Variants in RFX3 observed in about 807,000 individuals in gnomAD.
The protein encoded by RFX3 is regulatory factor X3.
A neutral mutation model predicts 98.6 loss-of-function variants in RFX3; 14 were observed. That is an observed-to-expected ratio of 0.14 (90% CI 0.09 to 0.22). The LOEUF is 0.22. Ranked by LOEUF, RFX3 falls within the 10% of genes least tolerant of loss-of-function variation. The pLI, the probability that RFX3 is intolerant of heterozygous loss-of-function variation, is 1.00. For missense variants in RFX3, 639 were observed against 926.9 expected (o/e 0.69, Z 4.03); for synonymous variants, 383 against 328.4 (o/e 1.17, Z -1.80).
At chr9:3,316,753 G>A (rs149749073) in intron 4 of RFX3, among the ~76,000 whole-genome samples, 1,872 of 152,272 alleles carry the variant, frequency 0.012, 24 homozygotes, top group Middle Eastern at 0.017. Flanking sequence ...AATCATGAAT[G>A]AACTCCCATT....
chr9:3,299,266 A>G (rs1323616049), intron 5 of RFX3, among the ~76,000 whole-genome samples: 1 of 151,800 alleles, frequency 6.6e-6, no homozygotes, highest in Non-Finnish European at 1.5e-5. Context: ...ACCAGAATGC[A>G]TGCACTAGCA....
intron 1 of RFX3, among the ~76,000 whole-genome samples, chr9:3,444,471 T>G (rs1023983350): frequency 1.3e-5 from 2 of 152,162 alleles, no homozygotes; most frequent in East Asian, 3.9e-4. Context: ...ACAGGGAAAC[T>G]TCTGGGGCGA....
intron 8 of RFX3, among the ~76,000 whole-genome samples, chr9:3,276,216 G>A (rs1229017231): frequency 6.6e-6 from 1 of 152,108 alleles, no homozygotes; most frequent in Non-Finnish European, 1.5e-5. Flanking sequence ...GTGCTTTGTG[G>A]TGGCTGCTTC....
In RFX3 at chr9:3,333,897, C is replaced by G. The variant is rs556966694; in HGVS notation, c.216-3380G>C. 2.6e-5 allele frequency among the ~76,000 whole-genome samples: 4 copies of G among 152,218 alleles called. No individual in the cohort carries two copies. In the South Asian group the frequency reaches 8.3e-4, roughly 32 times the overall value. ...CATTTACTATGCAGCAGACACTATT[C>G]TATGTGCTTTTTAGGCATTAGCTCA... On this transcript the variant is annotated intron_variant, in intron 3 of 16. Transcript: ENST00000617270.
chr9:3,489,933 T>C (rs1049773024), intron 1 of RFX3, among the ~76,000 whole-genome samples: 2 of 152,044 alleles, frequency 1.3e-5, no homozygotes, highest in Non-Finnish European at 2.9e-5. Flanking sequence ...TGGGGCAGGA[T>C]TGGTTGGGAT....
intron 3 of RFX3, among the ~76,000 whole-genome samples, chr9:3,341,599 C>G (rs1563955613): frequency 6.6e-6 from 1 of 152,072 alleles, no homozygotes. Flanking sequence ...GCTCCTGTTT[C>G]ACCCATCATT....
At chr9:3,359,070 A>G (rs1488934218) in intron 2 of RFX3, among the ~76,000 whole-genome samples, 1 of 151,826 alleles carries the variant, frequency 6.6e-6, no homozygotes, top group East Asian at 1.9e-4. Flanking sequence ...TTTTTCTGCC[A>G]TCCTTTAATC....
At chr9:3,519,281 G>A (rs542237201) in intron 1 of RFX3, among the ~76,000 whole-genome samples, 1 of 152,232 alleles carries the variant, frequency 6.6e-6, no homozygotes, top group East Asian at 1.9e-4. Flanking sequence ...TGATAAGACT[G>A]GTTATCAAAT....
At chr9:3,307,246 A>G (rs1829434167) in intron 4 of RFX3, among the ~76,000 whole-genome samples, 1 of 152,138 alleles carries the variant, frequency 6.6e-6, no homozygotes, top group Admixed American at 6.6e-5. Context: ...ATGAACTAAT[A>G]CAATTGGCCA....
chr9:3,290,527 C>A (rs1451990351), intron 6 of RFX3, among the ~76,000 whole-genome samples: 1 of 151,876 alleles, frequency 6.6e-6, no homozygotes, highest in Non-Finnish European at 1.5e-5. Flanking sequence ...GAGCCACCAG[C>A]GAGGAGATAG....
chr9:3,233,201 G>A (rs1328980525), intron 15 of RFX3, among the ~76,000 whole-genome samples: 1 of 152,192 alleles, frequency 6.6e-6, no homozygotes, highest in African/African-American at 2.4e-5. Context: ...TGTAAGACTA[G>A]CAATGTCCAT....
At chr9:3,354,589 A>T (rs1835529075) in intron 2 of RFX3, among the ~76,000 whole-genome samples, 1 of 151,940 alleles carries the variant, frequency 6.6e-6, no homozygotes. Context: ...ACAGAAAAAT[A>T]TTTCAAACTA....
chr9:3,421,054 A>C, intron 1 of RFX3: 4 of 340,980 alleles, frequency 1.2e-5, no homozygotes, highest in Non-Finnish European at 1.7e-5. Flanking sequence ...GCAACAAATA[A>C]TCAATACAGT....
At position 3,329,407 on chromosome 9, in the gene RFX3, C is replaced by CAAAA. The variant is rs1202028884; in HGVS notation, c.474+848_474+851dup. ...TGGGCCACAGAGTAAGACTTCATCTCAAAAAAAAAAAAAAAAAAAAACAAA... is the reference window on the plus strand; with the variant it reads ...TGGGCCACAGAGTAAGACTTCATCTCAAAAAAAAAAAAAAAAAAAAAAAAACAAA... On this transcript the variant is annotated intron_variant, in intron 4 of 16. Coordinates refer to ENST00000617270, the MANE Select transcript of RFX3 (RefSeq NM_001282116.2). 8.9e-4 allele frequency among the ~76,000 whole-genome samples: 34 copies of CAAAA among 38,098 alleles called. 1 individual carries two copies. The highest frequency in any genetic ancestry group is 1.4e-3 in the Admixed American group (5 of 3,554). 25.0% of individuals were successfully genotyped at this position (38,098 alleles called of 152,430 possible).
chr9:3,462,767 T>C (rs1308616455), intron 1 of RFX3, among the ~76,000 whole-genome samples: 1 of 152,250 alleles, frequency 6.6e-6, no homozygotes, highest in East Asian at 1.9e-4. Context: ...ATTTAAATAC[T>C]AGCATTGCTA....
chr9:3,435,260 C>T (rs2132599467), intron 1 of RFX3, among the ~76,000 whole-genome samples: 1 of 152,116 alleles, frequency 6.6e-6, no homozygotes, highest in South Asian at 2.1e-4. Context: ...AACCTTTCTA[C>T]TTTATAAACT....
chr9:3,333,435 G>GT (rs774597966), intron 3 of RFX3, among the ~76,000 whole-genome samples: 4,940 of 109,368 alleles, frequency 0.045, 248 homozygotes, highest in African/African-American at 0.14. Context: ...CATAGAAAAT[G>GT]TTTTTTTTTT....
intron 1 of RFX3, among the ~76,000 whole-genome samples, chr9:3,407,326 C>T (rs1842056152): frequency 2.0e-5 from 3 of 152,090 alleles, no homozygotes; most frequent in Non-Finnish European, 2.9e-5. Context: ...ACTTCACATA[C>T]ATTATTTCAT....
intron 4 of RFX3, among the ~76,000 whole-genome samples, chr9:3,302,787 A>G (rs976455389): frequency 2.0e-5 from 3 of 151,826 alleles, no homozygotes; most frequent in Non-Finnish European, 4.4e-5. Flanking sequence ...CAATTTCTTT[A>G]TGGTAAAACA....
Sources: allele counts gnomAD v4.1 joint callset (sites outside exome capture counted in the v4.1 genomes callset), GRCh38; gene constraint gnomAD v4.1.1; transcripts MANE v1.5; gene names NCBI Gene and HGNC (gene_info 2026-07-23, HGNC 2026-07-21).